The following CDC123 variants were observed in gnomAD, a reference collection of about 807,000 sequenced individuals.
CDC123 encodes translation initiation factor eIF2 assembly protein.
A neutral mutation model predicts 54.4 loss-of-function variants in CDC123; 37 were observed. The observed-to-expected ratio is 0.68, with a 90% CI of 0.52 to 0.89. The LOEUF (loss-of-function observed/expected upper bound fraction) is 0.89. Ranked by LOEUF, CDC123 falls within the 40% of genes least tolerant of loss-of-function variation. The pLI, the probability that CDC123 is intolerant of heterozygous loss-of-function variation, is 0.00. For synonymous variants in CDC123, 144 were observed against 136.8 expected, an observed-to-expected ratio of 1.05 and a Z score of -0.37; for missense variants, 361 against 412.1, an observed-to-expected ratio of 0.88 and a Z score of 1.07.
At chr10:12,239,730 C>T (rs1401306849) in intron 10 of CDC123, among the ~76,000 whole-genome samples, 31 of 146,944 alleles carry the variant, frequency 2.1e-4, no homozygotes, top group African/African-American at 6.3e-4. Context: ...AAAAAGGGGC[C>T]GGGCGCGGTG....
chr10:12,228,198 G>T (rs537675522), intron 6 of CDC123, among the ~76,000 whole-genome samples: 1 of 152,130 alleles, frequency 6.6e-6, no homozygotes, highest in South Asian at 2.1e-4. Context: ...GCCTTCCAAA[G>T]TGTTGGGATT....
intron 6 of CDC123, among the ~76,000 whole-genome samples, chr10:12,229,983 G>A (rs964523022): frequency 6.6e-6 from 1 of 152,184 alleles, no homozygotes; most frequent in Non-Finnish European, 1.5e-5. Flanking sequence ...TCCTGCCCTC[G>A]TTGAGAATCA....
chr10:12,201,188 G>C (rs746114947), intron 2 of CDC123, among the ~76,000 whole-genome samples: 4 of 152,152 alleles, frequency 2.6e-5, no homozygotes, highest in Non-Finnish European at 4.4e-5. Flanking sequence ...ACTTTGTAGG[G>C]TCATTGCAAA....
At chr10:12,215,857 T>G in intron 5 of CDC123, 22 bp downstream of exon 5, 1 of 1,441,660 alleles carries the variant, frequency 6.9e-7, no homozygotes, top group East Asian at 2.4e-5. Context: ...TAAGTAATTC[T>G]CTTACTGTTT....
intron 2 of CDC123, among the ~76,000 whole-genome samples, chr10:12,199,163 C>T (rs1403266296): frequency 6.6e-6 from 1 of 152,190 alleles, no homozygotes; most frequent in Admixed American, 6.5e-5. Flanking sequence ...ACATTTTCTT[C>T]CCCACGATTG....
In CDC123 at chr10:12,198,757, A is replaced by T; in HGVS notation, c.127A>T (p.Thr43Ser). The change falls in exon 2 of 13, where the codon ACT becomes TCT. Residue 43 changes from threonine to serine, a missense_variant. By Grantham distance (58) the Thr-to-Ser change is moderately conservative. Coordinates refer to ENST00000281141, the MANE Select transcript of CDC123 (RefSeq NM_006023.3). ...NVKDYLLDDG[T>S]LVVSGRDDPP... ...GAAGGATTATTTACTCGATGATGGAACTCTGGTGGTTTCAGGAAGGTAAAG... is the reference window on the plus strand; with the variant it reads ...GAAGGATTATTTACTCGATGATGGATCTCTGGTGGTTTCAGGAAGGTAAAG... The T allele has an allele frequency of 6.3e-7, 1 of 1,588,230 alleles. No individual in the cohort carries two copies. The highest frequency in any genetic ancestry group is 1.4e-5 in the African/African-American group (1 of 73,936).
chr10:12,232,371 CT>C (rs2131755275), intron 7 of CDC123, among the ~76,000 whole-genome samples: 2 of 152,116 alleles, frequency 1.3e-5, no homozygotes, highest in African/African-American at 4.8e-5. Context: ...TAAAATCTGT[CT>C]TTAGTGTCTG....
At chr10:12,215,013 A>G (rs979497485) in intron 4 of CDC123, among the ~76,000 whole-genome samples, 1 of 152,050 alleles carries the variant, frequency 6.6e-6, no homozygotes, top group Admixed American at 6.5e-5. Context: ...CTCCTGTGAT[A>G]GTGACCTAGG....
chr10:12,222,568 G>A (rs1263199320), intron 6 of CDC123, among the ~76,000 whole-genome samples: 2 of 152,182 alleles, frequency 1.3e-5, no homozygotes, highest in African/African-American at 2.4e-5. Context: ...GTCACAGGCT[G>A]CTTTCATTAT....
rs536061436 is a variant in CDC123 at position 12,202,604 on chromosome 10, AC to A, written c.146+3830del. Among the ~76,000 whole-genome samples the A allele has an allele frequency of 3.3e-3, 506 of 152,304 alleles. 1 individual carries two copies. The highest frequency in any genetic ancestry group is 5.7e-3 in the Non-Finnish European group (386 of 68,010). Reference sequence around the variant, plus strand: ...TCAGCTGCAAGCCCCAGGTGCCTCTACCTGTGCAACTGACCAGGCGGCTAGA... The same window carrying A: ...TCAGCTGCAAGCCCCAGGTGCCTCTACTGTGCAACTGACCAGGCGGCTAGA... On this transcript the variant is annotated intron_variant, in intron 2 of 12. Transcript: ENST00000281141.
intron 2 of CDC123, among the ~76,000 whole-genome samples, chr10:12,209,387 C>T (rs1835565601): frequency 6.6e-6 from 1 of 151,982 alleles, no homozygotes; most frequent in Admixed American, 6.6e-5. Context: ...CAGGTGTTCT[C>T]CTTCACACCT....
chr10:12,217,475 T>C lies in CDC123; in HGVS notation c.440+8T>C, dbSNP rs377026807. On this transcript the variant is annotated splice_region_variant and intron_variant, in intron 6 of 12. Coordinates refer to ENST00000281141, the MANE Select transcript of CDC123 (RefSeq NM_006023.3). ...TCGTGACTTCACTCAGCCGTAAGTA[T>C]CTCTTATTCTCTCATGTCAATAGTT... The C allele has an allele frequency of 1.2e-6, 2 of 1,610,778 alleles. No individual in the cohort carries two copies. The highest frequency in any genetic ancestry group is 1.7e-6 in the Non-Finnish European group (2 of 1,178,392).
intron 4 of CDC123, among the ~76,000 whole-genome samples, chr10:12,212,258 T>G (rs986687527): frequency 2.6e-5 from 4 of 152,208 alleles, no homozygotes; most frequent in East Asian, 1.9e-4. Context: ...TCTTGGTTTC[T>G]AAATACCATT....
At chr10:12,214,672 T>G (rs1835641373) in intron 4 of CDC123, among the ~76,000 whole-genome samples, 1 of 152,234 alleles carries the variant, frequency 6.6e-6, no homozygotes. Context: ...ATTTCTTTGG[T>G]CTTTTCTCAG....
chr10:12,223,137 G>A (rs776909589), intron 6 of CDC123, among the ~76,000 whole-genome samples: 3 of 151,852 alleles, frequency 2.0e-5, no homozygotes, highest in Admixed American at 6.6e-5. Context: ...CTCATGATCC[G>A]CCCACCTTGG....
chr10:12,199,190 C>T (rs1026993750), intron 2 of CDC123, among the ~76,000 whole-genome samples: 6 of 152,180 alleles, frequency 3.9e-5, no homozygotes, highest in Admixed American at 6.5e-5. Context: ...CGTGGCCCCC[C>T]CTCCACTTTC....
chr10:12,246,979 C>T (rs1224381878), intron 11 of CDC123: 8 of 148,106 alleles, frequency 5.4e-5, no homozygotes, highest in African/African-American at 2.0e-4. Context: ...TCTCACCTCC[C>T]CCTCAGGACA....
At chr10:12,225,284 A>G (rs752705485) in intron 6 of CDC123, among the ~76,000 whole-genome samples, 6 of 152,186 alleles carry the variant, frequency 3.9e-5, no homozygotes, top group Non-Finnish European at 7.3e-5. Context: ...AATCCCAGCT[A>G]CTTGGGAGGC....
At chr10:12,221,433 G>A (rs940800460) in intron 6 of CDC123, among the ~76,000 whole-genome samples, 1 of 152,204 alleles carries the variant, frequency 6.6e-6, no homozygotes, top group Admixed American at 6.5e-5. Flanking sequence ...AGGAGGGATA[G>A]GTTGTTTCCT....
Sources: gnomAD v4.1 joint callset for allele counts (sites outside exome capture counted in the v4.1 genomes callset) on GRCh38, gnomAD v4.1.1 for gene constraint, MANE v1.5 for transcripts, NCBI Gene and HGNC (gene_info 2026-07-23, HGNC 2026-07-21) for gene names.